The following ARHGAP11B variants were observed in gnomAD, a reference collection of about 807,000 sequenced individuals.
ARHGAP11B encodes the protein inactive Rho GTPase-activating protein 11B.
In ARHGAP11B, 14 loss-of-function variants were observed where a neutral mutation model predicts 27.6. The ratio of observed to expected loss-of-function variants is 0.51; its 90% CI spans 0.34 to 0.79. The LOEUF (loss-of-function observed/expected upper bound fraction) is 0.79. Among genes scored for constraint, ARHGAP11B ranks in the 30% least tolerant of loss-of-function variants. The pLI is 0.02. For missense variants in ARHGAP11B, 245 were observed against 320.1 expected, an observed-to-expected ratio of 0.77 and a Z score of 1.79; for synonymous variants, 82 against 114.1, an observed-to-expected ratio of 0.72 and a Z score of 1.80.
intron 2 of ARHGAP11B, among the ~76,000 whole-genome samples, chr15:30,632,805 A>G (rs1209588376): frequency 6.6e-6 from 1 of 151,988 alleles, no homozygotes; most frequent in Non-Finnish European, 1.5e-5. Context: ...GAGGAAAAAA[A>G]ACCTCGCCCT....
chr15:30,639,920 G>T (rs1220574867), intron 7 of ARHGAP11B, among the ~76,000 whole-genome samples: 1 of 151,126 alleles, frequency 6.6e-6, no homozygotes, highest in African/African-American at 2.4e-5. Context: ...TCCAACCTAT[G>T]AATTTTTATA....
intron 6 of ARHGAP11B, among the ~76,000 whole-genome samples, chr15:30,636,137 G>A (rs1043938664): frequency 6.6e-6 from 1 of 151,346 alleles, no homozygotes; most frequent in African/African-American, 2.4e-5. Context: ...CTGGGTGTTG[G>A]TGAATCATTG....
chr15:30,643,095 TAACTA>T (rs1487833999), intron 7 of ARHGAP11B, among the ~76,000 whole-genome samples: 2 of 152,008 alleles, frequency 1.3e-5, no homozygotes, highest in Non-Finnish European at 2.9e-5. Context: ...ATAGTGCTGT[TAACTA>T]AACTATCAAA....
chr15:30,646,765 T>C (rs1270391897), intron 9 of ARHGAP11B, among the ~76,000 whole-genome samples: 1 of 151,450 alleles, frequency 6.6e-6, no homozygotes, highest in East Asian at 1.9e-4. Context: ...AGGTCAGCAG[T>C]TTGAAACCAG....
At chr15:30,639,754 A>G (rs1402768272) in intron 7 of ARHGAP11B, among the ~76,000 whole-genome samples, 1 of 152,056 alleles carries the variant, frequency 6.6e-6, no homozygotes, top group Admixed American at 6.6e-5. Flanking sequence ...GCTGTTGCCA[A>G]GTAATCTCTT....
chr15:30,637,584 A>G (rs1048280014), intron 6 of ARHGAP11B, among the ~76,000 whole-genome samples: 5 of 151,958 alleles, frequency 3.3e-5, no homozygotes, highest in Admixed American at 6.6e-5. Flanking sequence ...AATATAAAAA[A>G]TTAGCTGGGC....
At chr15:30,644,501 G>A (rs1298597329) in intron 7 of ARHGAP11B, 27 of 532,100 alleles carry the variant, frequency 5.1e-5, no homozygotes, top group Non-Finnish European at 7.2e-5. Context: ...AAAAGGCATC[G>A]TTCTTATTGT....
At chr15:30,634,904 G>A (rs888725400) in intron 4 of ARHGAP11B, among the ~76,000 whole-genome samples, 176 bp from the exon 5 acceptor site, 2 of 151,600 alleles carry the variant, frequency 1.3e-5, no homozygotes, top group African/African-American at 4.8e-5. Flanking sequence ...TAAATATAGA[G>A]AGGCTATATA....
chr15:30,646,573 A>G (rs566483266), intron 9 of ARHGAP11B, among the ~76,000 whole-genome samples: 2 of 152,000 alleles, frequency 1.3e-5, no homozygotes, highest in Admixed American at 6.6e-5. Context: ...AGGCAGGAAA[A>G]TGGCGTGAAC....
intron 2 of ARHGAP11B, 102 bp downstream of exon 2, chr15:30,630,875 C>G: frequency 6.3e-7 from 1 of 1,592,004 alleles, no homozygotes; most frequent in Non-Finnish European, 8.6e-7. Context: ...AGTCCGGGAG[C>G]TTAAGACCAG....
chr15:30,642,741 A>G (rs1290145541), intron 7 of ARHGAP11B, among the ~76,000 whole-genome samples: 2 of 152,026 alleles, frequency 1.3e-5, no homozygotes, highest in African/African-American at 4.8e-5. Context: ...AATGGTGCCT[A>G]TCCCTGCCTT....
chr15:30,635,491 T>A lies in ARHGAP11B; in HGVS notation c.665T>A (p.Val222Glu), dbSNP rs757757462. ...CTTGTGAACATTTTCATTTAGGGCG[T>A]GTACCAGACTTTATCCTGGAAAAGA... is the stretch of plus-strand genomic sequence containing the variant. Residue 222 changes from valine to glutamate, a missense_variant, in exon 6 of 11, where the codon GTG (valine) becomes GAG (glutamate). This residue lies in a region of ARHGAP11B where 129 missense variants were observed against 159.9 expected (regional missense o/e 0.81). Transcript: ENST00000428041. The A allele has an allele frequency of 3.7e-6, 6 of 1,613,290 alleles. No individual in the cohort carries two copies. Among genetic ancestry groups the A allele is most frequent in the Non-Finnish European group, 5.1e-6 (6 of 1,179,576 alleles).
At chr15:30,647,985 C>T (rs1188615280) in intron 10 of ARHGAP11B, among the ~76,000 whole-genome samples, 1 of 151,936 alleles carries the variant, frequency 6.6e-6, no homozygotes, top group Non-Finnish European at 1.5e-5. Context: ...TTCATAGAGA[C>T]AAGGTCTCTC....
rs537830723 is a variant in ARHGAP11B at position 30,629,477 on chromosome 15, C to A, written c.130-1226C>A. ...GCTGAGGCAGGAGAATGGGTGAACC[C>A]GGGAGGCGGAGCTTGCAGTGAGCCG... On this transcript the variant is annotated intron_variant, in intron 1 of 10. Coordinates refer to ENST00000428041, the Ensembl canonical transcript of ARHGAP11B. Among the ~76,000 whole-genome samples, 78 of 152,064 alleles carry A rather than the reference C, an allele frequency of 5.1e-4. 2 individuals are homozygous for A. The highest frequency in any genetic ancestry group is 9.7e-4 in the Non-Finnish European group (66 of 67,954).
At chr15:30,638,269 T>G (rs2060293801) in intron 6 of ARHGAP11B, among the ~76,000 whole-genome samples, 1 of 152,090 alleles carries the variant, frequency 6.6e-6, no homozygotes, top group African/African-American at 2.4e-5. Context: ...GTCTACTATT[T>G]CCTGTCTTTG....
chr15:30,648,330 G>A (rs975084831), exon 11 of ARHGAP11B, among the ~76,000 whole-genome samples: 5 of 152,096 alleles, frequency 3.3e-5, no homozygotes, highest in South Asian at 4.1e-4. Context: ...GGAAAGCACC[G>A]TAGATCAAGT....
At chr15:30,632,297 T>C (rs2140893399) in intron 2 of ARHGAP11B, among the ~76,000 whole-genome samples, 1 of 139,520 alleles carries the variant, frequency 7.2e-6, no homozygotes, top group South Asian at 2.4e-4. Context: ...GATGTGTGCC[T>C]ATAGTCCCAG....
intron 6 of ARHGAP11B, among the ~76,000 whole-genome samples, chr15:30,637,052 C>G (rs770797851): frequency 2.4e-4 from 37 of 151,974 alleles, no homozygotes; most frequent in Non-Finnish European, 5.9e-5. Flanking sequence ...TTCTCAGATG[C>G]AGATCATCTT....
At chr15:30,633,394 C>G in intron 2 of ARHGAP11B, 96 bp from the exon 3 acceptor site, 6 of 1,067,004 alleles carry the variant, frequency 5.6e-6, no homozygotes, top group Non-Finnish European at 7.9e-6. Flanking sequence ...TTTAGAGCCT[C>G]TGAAAGGTCT....
Sources: allele counts gnomAD v4.1 joint callset (sites outside exome capture counted in the v4.1 genomes callset), GRCh38; gene constraint gnomAD v4.1.1; regional missense constraint gnomAD v4.1.1; transcripts MANE v1.5; gene names NCBI Gene and HGNC (gene_info 2026-07-23, HGNC 2026-07-21).